UQCRC2: variants seen among roughly 807,000 people sequenced by gnomAD.
UQCRC2 encodes the protein ubiquinol-cytochrome c reductase core protein 2.
Under a neutral mutation model 55.6 loss-of-function variants are expected in UQCRC2, and 49 were observed. The ratio of observed to expected loss-of-function variants is 0.88; its 90% CI spans 0.70 to 1.12. UQCRC2 has a LOEUF of 1.12. UQCRC2 is among the 50% of genes most tolerant of loss of function. UQCRC2 has a pLI of 0.00. For missense variants in UQCRC2, 506 were observed against 547.8 expected (o/e 0.92, Z 0.76); for synonymous variants, 193 against 192.0 (o/e 1.01, Z -0.04).
chr16:21,983,049 T>C, intron 13 of UQCRC2, 39 bp from the exon 14 acceptor site: 1 of 1,590,160 alleles, frequency 6.3e-7, no homozygotes, highest in Non-Finnish European at 8.6e-7. Flanking sequence ...TATATATTTT[T>C]ATTTTTGTTA....
intron 10 of UQCRC2, among the ~76,000 whole-genome samples, chr16:21,973,625 A>G (rs1011203439): frequency 6.6e-6 from 1 of 152,198 alleles, no homozygotes; most frequent in Non-Finnish European, 1.5e-5. Context: ...ATAAACCTTT[A>G]ATCATCTAAA....
intron 9 of UQCRC2, 62 bp downstream of exon 9, chr16:21,971,682 T>A: frequency 6.5e-7 from 1 of 1,536,402 alleles, no homozygotes; most frequent in Non-Finnish European, 9.0e-7. Flanking sequence ...TAGAATAGCA[T>A]ATTGAGGTGG....
chr16:21,966,161 T>A (rs8058208), intron 7 of UQCRC2, among the ~76,000 whole-genome samples: 141,453 of 150,594 alleles, frequency 0.94, 66,839 homozygotes, highest in Non-Finnish European at 0.98. Context: ...AAAAAAAAAA[T>A]ATATATATAT....
intron 7 of UQCRC2, among the ~76,000 whole-genome samples, chr16:21,967,189 A>G (rs950522347): frequency 2.6e-5 from 4 of 152,236 alleles, no homozygotes; most frequent in Non-Finnish European, 5.9e-5. Flanking sequence ...ATAGAAAAAC[A>G]TCAATAGAAA....
intron 6 of UQCRC2, among the ~76,000 whole-genome samples, chr16:21,965,183 T>A (rs1332416337): frequency 6.6e-6 from 1 of 152,224 alleles, no homozygotes; most frequent in African/African-American, 2.4e-5. Context: ...GACTCCAGTA[T>A]ATAGAAGCTG....
chr16:21,983,193 A>G lies in UQCRC2; in HGVS notation c.*22A>G. The G allele has an allele frequency of 6.2e-7, 1 of 1,604,274 alleles. No individual in the cohort carries two copies. The highest frequency in any genetic ancestry group is 1.7e-5 in the Admixed American group (1 of 59,682). On this transcript the variant is annotated 3_prime_UTR_variant, in exon 14 of 14. Coordinates refer to ENST00000268379, the MANE Select transcript of UQCRC2 (RefSeq NM_003366.4). ...GTAATACTGATGCACACATTACAGG[A>G]GAGAGCTGAACGTTCTCTCAGCCCA... is the stretch of plus-strand genomic sequence containing the variant.
intron 8 of UQCRC2, among the ~76,000 whole-genome samples, chr16:21,969,875 T>G (rs1237091655): frequency 7.0e-6 from 1 of 143,490 alleles, no homozygotes; most frequent in East Asian, 2.0e-4. Context: ...TTTGTTTTTG[T>G]TTTTTTTTTT....
At position 21,962,446 on chromosome 16, in the gene UQCRC2, A is replaced by G. The variant is rs994877543; in HGVS notation, c.333-14A>G. 3.7e-6 allele frequency: 6 copies of G among 1,613,872 alleles called. No individual in the cohort carries two copies. The highest frequency in any genetic ancestry group is 3.3e-5 in the South Asian group (3 of 91,084). ...TGATTCAGATGATTTACTCTAGTTT[A>G]TTTTCCGATTCAGTGTGACCGCAAC... is the stretch of plus-strand genomic sequence containing the variant. On this transcript the variant is annotated splice_polypyrimidine_tract_variant and intron_variant, in intron 4 of 13. Transcript: ENST00000268379.
intron 7 of UQCRC2, 135 bp downstream of exon 7, chr16:21,965,640 C>T (rs755835755): frequency 2.2e-5 from 15 of 681,130 alleles, no homozygotes; most frequent in Non-Finnish European, 3.1e-5. Flanking sequence ...TTTTCATCCA[C>T]CTGCTTTTTA....
intron 4 of UQCRC2, among the ~76,000 whole-genome samples, chr16:21,961,723 C>T (rs976240219): frequency 3.5e-5 from 5 of 141,822 alleles, no homozygotes; most frequent in Admixed American, 7.5e-5. Flanking sequence ...ATGATCTTGG[C>T]TCACTGTAAC....
intron 4 of UQCRC2, chr16:21,959,558 T>C (rs767716787): frequency 6.5e-5 from 10 of 153,468 alleles, no homozygotes; most frequent in Admixed American, 2.0e-4. Flanking sequence ...CCATAAGGGT[T>C]GGAATTGGCT....
At chr16:21,969,464 A>G (rs566548166) in intron 8 of UQCRC2, among the ~76,000 whole-genome samples, 13 of 152,298 alleles carry the variant, frequency 8.5e-5, no homozygotes, top group Admixed American at 3.9e-4. Flanking sequence ...CCCAGGAGGC[A>G]GTGATTGCAG....
chr16:21,967,525 C>T (rs1898355804), intron 7 of UQCRC2, among the ~76,000 whole-genome samples: 3 of 152,008 alleles, frequency 2.0e-5, no homozygotes, highest in Admixed American at 6.6e-5. Flanking sequence ...TTTAGCCCTA[C>T]TTTTGTATAT....
rs1898471764 is a variant in UQCRC2 at position 21,971,906 on chromosome 16, C to T, written c.767-17C>T. On this transcript the variant is annotated splice_polypyrimidine_tract_variant and intron_variant, in intron 9 of 13. Coordinates refer to ENST00000268379, the MANE Select transcript of UQCRC2 (RefSeq NM_003366.4). ...CAAGCCATTTTCTTCTTCCCTCTATCCTTAATCTGGCCCCAGGTGAAATCC... is the reference window on the plus strand; with the variant it reads ...CAAGCCATTTTCTTCTTCCCTCTATTCTTAATCTGGCCCCAGGTGAAATCC... The T allele has an allele frequency of 6.2e-7, 1 of 1,613,104 alleles. No individual in the cohort carries two copies. Among genetic ancestry groups the T allele is most frequent in the Non-Finnish European group, 8.5e-7 (1 of 1,180,024 alleles).
intron 8 of UQCRC2, among the ~76,000 whole-genome samples, chr16:21,971,226 T>C (rs1051619921): frequency 2.6e-5 from 4 of 152,194 alleles, no homozygotes; most frequent in Admixed American, 2.0e-4. Flanking sequence ...TTGTAAATTA[T>C]GAAAGATAAG....
In UQCRC2 at chr16:21,983,309, T is replaced by C; in HGVS notation, c.*138T>C. The C allele has an allele frequency of 2.9e-6, 2 of 685,064 alleles. No homozygotes were observed. The highest frequency in any genetic ancestry group is 4.8e-6 in the Non-Finnish European group (2 of 419,016). 42.4% of individuals were successfully genotyped at this position (685,064 alleles called of 1,614,324 possible). Reference sequence around the variant, plus strand: ...AATAAGGCATAAATGCAGGTAATTATTCCCAGCTGACCTAAAGTCAATAAA... The same window carrying C: ...AATAAGGCATAAATGCAGGTAATTACTCCCAGCTGACCTAAAGTCAATAAA... On this transcript the variant is annotated 3_prime_UTR_variant, in exon 14 of 14. Transcript: ENST00000268379.
chr16:21,976,735 T>C (rs1898595080), intron 12 of UQCRC2: 1 of 152,456 alleles, frequency 6.6e-6, no homozygotes, highest in South Asian at 2.1e-4. Context: ...TAAGTTAAGT[T>C]AGGGACCATC....
At chr16:21,955,123 T>A (rs1199310836) in intron 1 of UQCRC2, among the ~76,000 whole-genome samples, 4 of 150,884 alleles carry the variant, frequency 2.7e-5, no homozygotes, top group African/African-American at 9.8e-5. Context: ...GGAAAACACC[T>A]AAAATCTCAC....
At chr16:21,978,885 C>T (rs1309126576) in intron 12 of UQCRC2, among the ~76,000 whole-genome samples, 1 of 151,828 alleles carries the variant, frequency 6.6e-6, no homozygotes, top group Non-Finnish European at 1.5e-5. Flanking sequence ...ACAAACAGGC[C>T]CTAAAAGAGG....
Sources: allele counts gnomAD v4.1 joint callset (sites outside exome capture counted in the v4.1 genomes callset), GRCh38; gene constraint gnomAD v4.1.1; transcripts MANE v1.5; gene names NCBI Gene and HGNC (gene_info 2026-07-23, HGNC 2026-07-21).